NCAPD3: variants seen among roughly 807,000 people sequenced by gnomAD.
The protein encoded by NCAPD3 is condensin-2 complex subunit D3.
In NCAPD3, 105 loss-of-function variants were observed where a neutral mutation model predicts 182.9. The observed-to-expected ratio is 0.57, with a 90% CI of 0.49 to 0.68. The LOEUF (loss-of-function observed/expected upper bound fraction) is 0.68. Among genes scored for constraint, NCAPD3 ranks in the 30% least tolerant of loss-of-function variants. The pLI, the probability that NCAPD3 is intolerant of heterozygous loss-of-function variation, is 0.00. For synonymous variants in NCAPD3, 815 were observed against 679.9 expected (o/e 1.20, Z -3.09); for missense variants, 1,944 against 1,837.0 (o/e 1.06, Z -1.07).
chr11:134,184,806 TATATAC>T, intron 18 of NCAPD3, 54 bp from the exon 19 acceptor site: 6 of 1,068,150 alleles, frequency 5.6e-6, no homozygotes, highest in Non-Finnish European at 6.8e-6. Flanking sequence ...TATTCAGGTA[TATATAC>T]ACACACACAC....
In NCAPD3 at chr11:134,158,497, T is replaced by A. The variant is rs1256718677; in HGVS notation, c.3868-2A>T. 1.2e-6 allele frequency: 2 copies of A among 1,612,790 alleles called. No individual in the cohort carries two copies. Among genetic ancestry groups the A allele is most frequent in the Non-Finnish European group, 8.5e-7 (1 of 1,179,584 alleles). ...CACTGTTTCTAAACACAGGGCAACC[T>A]GGTAGAGAAGATAAAGAGTATGTAC... On this transcript the variant is annotated splice_acceptor_variant, in intron 29 of 34. Coordinates refer to ENST00000534548, the MANE Select transcript of NCAPD3 (RefSeq NM_015261.3). LOFTEE classifies it high-confidence loss of function.
chr11:134,192,957 G>C, intron 15 of NCAPD3, 48 bp from the exon 16 acceptor site: 1 of 1,076,032 alleles, frequency 9.3e-7, no homozygotes, highest in East Asian at 2.4e-5. Flanking sequence ...TACAAGTCAG[G>C]GAAGTTGTGA....
At chr11:134,178,605 C>A in intron 22 of NCAPD3, 29 bp downstream of exon 22, 1 of 1,475,996 alleles carries the variant, frequency 6.8e-7, no homozygotes, top group South Asian at 1.3e-5. Flanking sequence ...AGAACGATGT[C>A]AAGCCCCATT....
intron 31 of NCAPD3, among the ~76,000 whole-genome samples, chr11:134,157,724 G>A (rs1943462859): frequency 6.6e-6 from 1 of 152,162 alleles, no homozygotes; most frequent in African/African-American, 2.4e-5. Context: ...CACTGCTATG[G>A]GTGAGTTTCA....
In NCAPD3 at chr11:134,178,749, G is replaced by A. The variant is rs775216489; in HGVS notation, c.2675-8C>T. 2 of 1,608,986 alleles carry A rather than the reference G, an allele frequency of 1.2e-6. No individual in the cohort carries two copies. The highest frequency in any genetic ancestry group is 1.1e-5 in the South Asian group (1 of 90,728). On this transcript the variant is annotated splice_polypyrimidine_tract_variant and splice_region_variant and intron_variant, in intron 21 of 34. Transcript: ENST00000534548. Reference sequence around the variant, plus strand: ...TGCCTTGAGATGATGGTGCTGCAAAGAAGGGAGAGAAAGTTACCGACAGAA... The same window carrying A: ...TGCCTTGAGATGATGGTGCTGCAAAAAAGGGAGAGAAAGTTACCGACAGAA...
chr11:134,164,883 G>C (rs567341550), intron 27 of NCAPD3, among the ~76,000 whole-genome samples: 34 of 149,720 alleles, frequency 2.3e-4, no homozygotes, highest in African/African-American at 7.7e-4. Context: ...ATACTCACTT[G>C]TGACATGAGC....
In NCAPD3 at chr11:134,159,967, G is replaced by C; in HGVS notation, c.3792C>G (p.Val1264=). 1 of 1,614,056 alleles carries C rather than the reference G, an allele frequency of 6.2e-7. No individual in the cohort carries two copies. The highest frequency in any genetic ancestry group is 8.5e-7 in the Non-Finnish European group (1 of 1,180,044). ...YDMKKYQEQL[V]QEQELAKHAD... ...CATGTTTTGCTAGCTCCTGCTCCTG[G>C]ACCAGCTGTTCCTGGTACTTCTTCA... The change falls in exon 29 of 35, where the codon GTC becomes GTG. Residue 1264 remains valine (V), a synonymous_variant. Transcript: ENST00000534548.
rs375930024 is a variant in NCAPD3, at chr11:134,158,262, G to T, written c.4034+67C>A. ...ACTTTCCTGCCCACGCTTGGGAATG[G>T]CAGGGACGCCTCTGAGAACATCGCC... On this transcript the variant is annotated intron_variant, in intron 30 of 34. Coordinates refer to ENST00000534548, the MANE Select transcript of NCAPD3 (RefSeq NM_015261.3). The T allele has an allele frequency of 4.4e-6, 7 of 1,586,424 alleles. No individual in the cohort carries two copies. In the South Asian group the frequency reaches 5.6e-5, roughly 13 times the overall value.
At chr11:134,153,664 G>A (rs956200962) in intron 32 of NCAPD3, 9 of 453,872 alleles carry the variant, frequency 2.0e-5, no homozygotes, top group South Asian at 6.7e-5. Flanking sequence ...CCCCTGTCCC[G>A]GTGACCGCCC....
At position 134,206,684 on chromosome 11, in the gene NCAPD3, C is replaced by G; in HGVS notation, c.931G>C (p.Glu311Gln). ...GCACGATGGGATCCTTCACCAACTTCTAACATTAATATTACACTGAGCATT... is the reference window on the plus strand; with the variant it reads ...GCACGATGGGATCCTTCACCAACTTGTAACATTAATATTACACTGAGCATT... ...HQMLSVILML[E>Q]VGEGSHRAPL... Residue 311 changes from glutamate (E) to glutamine (Q), a missense_variant, in exon 8 of 35, where the codon GAA (glutamate) becomes CAA (glutamine). Transcript: ENST00000534548. 1 of 1,613,378 alleles carries G rather than the reference C, an allele frequency of 6.2e-7. No individual in the cohort carries two copies. Among genetic ancestry groups the G allele is most frequent in the Middle Eastern group, 1.6e-4 (1 of 6,062 alleles).
chr11:134,223,985 G>A (rs1938351878), upstream of NCAPD3: 1 of 1,588,074 alleles, frequency 6.3e-7, no homozygotes, highest in African/African-American at 1.3e-5. Context: ...GCTCCCGCGC[G>A]CGCGCCGAGT....
chr11:134,153,582 T>A (rs567455125), intron 32 of NCAPD3: 11 of 584,204 alleles, frequency 1.9e-5, no homozygotes, highest in Non-Finnish European at 3.1e-5. Flanking sequence ...CCCGCAGCCC[T>A]CAGGCACTCG....
At chr11:134,171,338 C>T (rs986065086) in intron 24 of NCAPD3, among the ~76,000 whole-genome samples, 9 of 152,140 alleles carry the variant, frequency 5.9e-5, no homozygotes, top group Admixed American at 2.0e-4. Context: ...CACTAAGAAT[C>T]GAAATCCAGG....
intron 28 of NCAPD3, 24 bp from the exon 29 acceptor site, chr11:134,160,098 T>C (rs1237503883): frequency 3.1e-6 from 5 of 1,608,182 alleles, no homozygotes; most frequent in Non-Finnish European, 4.2e-6. Context: ...AGGAGCATCC[T>C]TTCATGTTTT....
At chr11:134,165,515 G>C (rs1240921185) in intron 27 of NCAPD3, among the ~76,000 whole-genome samples, 1 of 146,192 alleles carries the variant, frequency 6.8e-6, no homozygotes, top group Non-Finnish European at 1.5e-5. Flanking sequence ...TACGGGAGCA[G>C]CACACTCACT....
chr11:134,165,279 G>C (rs531039463), intron 27 of NCAPD3, among the ~76,000 whole-genome samples: 1 of 138,536 alleles, frequency 7.2e-6, no homozygotes, highest in Non-Finnish European at 1.6e-5. Context: ...CTGCACACTC[G>C]CTTGTGAGAT....
intron 19 of NCAPD3, among the ~76,000 whole-genome samples, chr11:134,182,575 C>T (rs1944320420): frequency 6.6e-6 from 1 of 152,164 alleles, no homozygotes; most frequent in Non-Finnish European, 1.5e-5. Flanking sequence ...TATTCAATTT[C>T]ATCAACACTT....
At chr11:134,161,643 G>T (rs1943582732) in intron 28 of NCAPD3, 138 bp downstream of exon 28, 1 of 661,746 alleles carries the variant, frequency 1.5e-6, no homozygotes, top group African/African-American at 1.9e-5. Flanking sequence ...CTCCACAGCA[G>T]TTACCAAGGT....
At chr11:134,189,204 ATTAT>A (rs1233280066) in intron 16 of NCAPD3, among the ~76,000 whole-genome samples, 4 of 152,246 alleles carry the variant, frequency 2.6e-5, no homozygotes, top group Admixed American at 1.3e-4. Context: ...CATCATTAAT[ATTAT>A]TTATTTGTAC....
Sources: gnomAD v4.1 joint callset for allele counts (sites outside exome capture counted in the v4.1 genomes callset) on GRCh38, gnomAD v4.1.1 for gene constraint, MANE v1.5 for transcripts, NCBI Gene and HGNC (gene_info 2026-07-23, HGNC 2026-07-21) for gene names.